CSMD3: variants seen among roughly 807,000 people sequenced by gnomAD.
CSMD3 encodes CUB and sushi domain-containing protein 3.
CSMD3 carries 177 observed loss-of-function variants against 435.2 expected under a neutral mutation model. The ratio of observed to expected loss-of-function variants is 0.41; its 90% CI spans 0.36 to 0.46. The LOEUF (loss-of-function observed/expected upper bound fraction) is 0.46, where lower values mean the gene tolerates loss of function less well. Ranked by LOEUF, CSMD3 falls within the 20% of genes least tolerant of loss-of-function variation. CSMD3 has a pLI of 0.34. For missense variants in CSMD3, 4,265 were observed against 4,504.6 expected, an observed-to-expected ratio of 0.95 and a Z score of 1.52; for synonymous variants, 1,656 against 1,520.5, an observed-to-expected ratio of 1.09 and a Z score of -2.07.
At chr8:112,823,301 T>A (rs2079580179) in intron 12 of CSMD3, among the ~76,000 whole-genome samples, 1 of 152,178 alleles carries the variant, frequency 6.6e-6, no homozygotes, top group African/African-American at 2.4e-5. Context: ...AATTATTGCC[T>A]TAATTTCAGA....
chr8:113,089,341 C>A (rs2089921332), intron 5 of CSMD3, among the ~76,000 whole-genome samples: 2 of 151,292 alleles, frequency 1.3e-5, no homozygotes, highest in South Asian at 4.2e-4. Flanking sequence ...TTAACAAAGG[C>A]AATTGTTCTT....
chr8:112,486,998 C>A (rs1820203105), intron 31 of CSMD3, among the ~76,000 whole-genome samples: 1 of 152,110 alleles, frequency 6.6e-6, no homozygotes, highest in African/African-American at 2.4e-5. Flanking sequence ...CATTAACAGT[C>A]TAAATATGTT....
intron 13 of CSMD3, among the ~76,000 whole-genome samples, chr8:112,743,627 G>T (rs1212536995): frequency 6.6e-6 from 1 of 151,776 alleles, no homozygotes; most frequent in Non-Finnish European, 1.5e-5. Flanking sequence ...ATATAGCAAA[G>T]CTTTCTCTTT....
chr8:113,212,778 A>T (rs1326647431), intron 3 of CSMD3, among the ~76,000 whole-genome samples: 1 of 151,864 alleles, frequency 6.6e-6, no homozygotes, highest in East Asian at 1.9e-4. Context: ...TAGGAGATAT[A>T]CCTAATGTAA....
intron 12 of CSMD3, among the ~76,000 whole-genome samples, chr8:112,803,773 T>C (rs2079014960): frequency 6.6e-6 from 1 of 152,188 alleles, no homozygotes; most frequent in Non-Finnish European, 1.5e-5. Context: ...CCAGCTGATA[T>C]ATCTCAAATA....
rs1828157976 is a variant in CSMD3, at chr8:112,556,780, G to A, written c.4217C>T (p.Pro1406Leu). The A allele has an allele frequency of 6.2e-7, 1 of 1,611,054 alleles. No homozygotes were observed. Among genetic ancestry groups the A allele is most frequent in the East Asian group, 2.2e-5 (1 of 44,814 alleles). ...MTGERRAWDYPLPSCIAECGG... is the reference protein window; with the variant it reads ...MTGERRAWDYLLPSCIAECGG... ...TATCCTACCAATACAGGAAGGCAGA[G>A]GATAGTCCCATGCCCTTCTCTCCCC... The change falls in exon 25 of 71, where the codon CCT (proline) becomes CTT (leucine). Residue 1406 changes from proline (P) to leucine (L), a missense_variant. Physicochemically the swap from Pro to Leu is moderately conservative, Grantham distance 98. Around this residue, in one of 3 missense-constraint regions of CSMD3, gnomAD observed 3,255 missense variants for 3,380.2 expected, o/e 0.96. Coordinates refer to ENST00000297405, the MANE Select transcript of CSMD3 (RefSeq NM_198123.2).
At chr8:112,577,779 G>A (rs1029081071) in intron 23 of CSMD3, among the ~76,000 whole-genome samples, 8 of 152,074 alleles carry the variant, frequency 5.3e-5, no homozygotes, top group East Asian at 3.9e-4. Flanking sequence ...AGGTTGAACC[G>A]TATTACAACA....
At chr8:112,919,406 T>C (rs1057409735) in intron 10 of CSMD3, among the ~76,000 whole-genome samples, 1 of 151,866 alleles carries the variant, frequency 6.6e-6, no homozygotes, top group Non-Finnish European at 1.5e-5. Flanking sequence ...CAATTTACTA[T>C]CATAAGTATG....
chr8:112,307,146 C>T (rs1821502672), intron 50 of CSMD3, among the ~76,000 whole-genome samples: 1 of 150,904 alleles, frequency 6.6e-6, no homozygotes, highest in African/African-American at 2.4e-5. Context: ...TTTTTTGAGA[C>T]AGGAGTCTCA....
At chr8:113,240,277 T>C (rs1248846927) in intron 3 of CSMD3, among the ~76,000 whole-genome samples, 2 of 152,152 alleles carry the variant, frequency 1.3e-5, no homozygotes, top group East Asian at 3.8e-4. Context: ...TTTAGGTTGA[T>C]TCCATGTCTT....
rs115565484 is a variant in CSMD3 at position 113,334,952 on chromosome 8, T to C, written c.179-20159A>G. 6.6e-3 allele frequency among the ~76,000 whole-genome samples: 1,001 copies of C among 152,204 alleles called. 11 individuals carry two copies. The highest frequency in any genetic ancestry group is 0.022 in the African/African-American group (900 of 41,542). On this transcript the variant is annotated intron_variant, in intron 1 of 70. Transcript: ENST00000297405. ...ATATTGGCCATACGGTTTGGATCTATGTCCTCACCAAATCAAATTATATCC... is the reference window on the plus strand; with the variant it reads ...ATATTGGCCATACGGTTTGGATCTACGTCCTCACCAAATCAAATTATATCC...
At chr8:112,274,789 A>C (rs1197698837) in intron 59 of CSMD3, among the ~76,000 whole-genome samples, 1 of 152,194 alleles carries the variant, frequency 6.6e-6, no homozygotes, top group Admixed American at 6.5e-5. Context: ...TGGAAGAAAA[A>C]TAATACCTCA....
chr8:112,468,766 T>C (rs568395538), intron 32 of CSMD3, among the ~76,000 whole-genome samples: 11 of 152,188 alleles, frequency 7.2e-5, no homozygotes, highest in African/African-American at 2.6e-4. Context: ...AAGTAGGATT[T>C]TTTAAATCCA....
intron 5 of CSMD3, among the ~76,000 whole-genome samples, chr8:113,086,527 ATATTATT>A (rs2089786348): frequency 1.3e-5 from 2 of 151,730 alleles, no homozygotes; most frequent in Non-Finnish European, 2.9e-5. Context: ...TATTCAAAAT[ATATTATT>A]GGGAGCTTTT....
intron 3 of CSMD3, among the ~76,000 whole-genome samples, chr8:113,242,170 A>G (rs922266048): frequency 1.3e-5 from 2 of 151,902 alleles, no homozygotes; most frequent in African/African-American, 4.8e-5. Flanking sequence ...ATAAAACAAA[A>G]AATTGTATGG....
intron 52 of CSMD3, among the ~76,000 whole-genome samples, chr8:112,303,275 G>T (rs1259246274): frequency 1.3e-5 from 2 of 152,170 alleles, no homozygotes; most frequent in East Asian, 3.9e-4. Flanking sequence ...AGAAATACAG[G>T]CTGTGCGCAG....
chr8:112,712,137 T>C (rs1450031151), intron 13 of CSMD3, among the ~76,000 whole-genome samples: 1 of 152,132 alleles, frequency 6.6e-6, no homozygotes, highest in African/African-American at 2.4e-5. Context: ...TCCTCCAGTG[T>C]TGTGCCACTC....
intron 5 of CSMD3, among the ~76,000 whole-genome samples, chr8:113,019,539 TTATTA>T (rs1355298648): frequency 6.7e-6 from 1 of 148,830 alleles, no homozygotes; most frequent in East Asian, 1.9e-4. Flanking sequence ...TGTTTATTAT[TTATTA>T]TATCTTATTT....
chr8:112,302,020 G>C (rs2130760574), intron 52 of CSMD3, 54 bp from the exon 53 acceptor site: 2 of 1,213,160 alleles, frequency 1.6e-6, no homozygotes, highest in Admixed American at 3.6e-5. Flanking sequence ...AGCTGCACTT[G>C]TAACAAAACT....
Sources: gnomAD v4.1 joint callset for allele counts (sites outside exome capture counted in the v4.1 genomes callset) on GRCh38, gnomAD v4.1.1 for gene constraint, gnomAD v4.1.1 regional missense constraint, MANE v1.5 for transcripts, NCBI Gene and HGNC (gene_info 2026-07-23, HGNC 2026-07-21) for gene names.